The following IGSF11 variants were observed in gnomAD, a reference collection of about 807,000 sequenced individuals.
IGSF11 encodes the protein CXADR like 1.
IGSF11 carries 22 observed loss-of-function variants against 41.0 expected under a neutral mutation model. The ratio of observed to expected loss-of-function variants is 0.54; its 90% CI spans 0.38 to 0.77. The LOEUF (loss-of-function observed/expected upper bound fraction) is 0.77. IGSF11 is among the 30% of genes least tolerant of loss of function. The pLI, the probability that IGSF11 is intolerant of heterozygous loss-of-function variation, is 0.00. For missense variants in IGSF11, 444 were observed against 530.8 expected (o/e 0.84, Z 1.61); for synonymous variants, 219 against 201.3 (o/e 1.09, Z -0.74).
At chr3:119,030,431 TGG>T (rs1940288637) in intron 1 of IGSF11, among the ~76,000 whole-genome samples, 1 of 152,204 alleles carries the variant, frequency 6.6e-6, no homozygotes, top group African/African-American at 2.4e-5. Context: ...TTTCTCTCTG[TGG>T]CTTACTTCAT....
chr3:118,946,191 TACACACACACACGCACACACAC>T, intron 1 of IGSF11, among the ~76,000 whole-genome samples: 1 of 147,162 alleles, frequency 6.8e-6, no homozygotes, highest in Admixed American at 7.1e-5. Flanking sequence ...AACCATTGGC[TACACACACACACGCACACACAC>T]ACACACACAC....
intron 4 of IGSF11, among the ~76,000 whole-genome samples, chr3:118,908,064 T>G (rs1247543383): frequency 6.6e-6 from 1 of 152,124 alleles, no homozygotes; most frequent in Non-Finnish European, 1.5e-5. Flanking sequence ...GTGGTGGTGG[T>G]GGGTTTTCCC....
chr3:119,129,075 C>G (rs2077441789), intron 1 of IGSF11, among the ~76,000 whole-genome samples: 2 of 152,154 alleles, frequency 1.3e-5, no homozygotes. Flanking sequence ...AAACCAAACA[C>G]CGCATATTCT....
At chr3:118,948,398 A>T (rs1343746181) in intron 1 of IGSF11, 1 of 152,188 alleles carries the variant, frequency 6.6e-6, no homozygotes, top group African/African-American at 2.4e-5. Context: ...AAAGAAGTGG[A>T]TACGAAAGCA....
At chr3:119,045,441 T>C (rs1202790286) in intron 1 of IGSF11, among the ~76,000 whole-genome samples, 1 of 152,198 alleles carries the variant, frequency 6.6e-6, no homozygotes, top group East Asian at 1.9e-4. Context: ...TGCGACGGGC[T>C]TAAAAAACGG....
At chr3:119,143,196 A>G (rs138044683) in intron 1 of IGSF11, among the ~76,000 whole-genome samples, 134 of 152,266 alleles carry the variant, frequency 8.8e-4, no homozygotes, top group Non-Finnish European at 1.5e-3. Context: ...AATAGCCAGC[A>G]TTGTATTTTT....
At chr3:118,997,206 T>A (rs1936357475) in intron 1 of IGSF11, among the ~76,000 whole-genome samples, 1 of 152,244 alleles carries the variant, frequency 6.6e-6, no homozygotes. Context: ...AGTAGAAGCC[T>A]GAATCCAAAC....
chr3:119,088,493 A>C, intron 1 of IGSF11, among the ~76,000 whole-genome samples: 1 of 152,190 alleles, frequency 6.6e-6, no homozygotes, highest in East Asian at 1.9e-4. Context: ...TCATATTAAC[A>C]ATCTAACTTT....
chr3:119,110,309 T>C (rs547836938), intron 1 of IGSF11, among the ~76,000 whole-genome samples: 2 of 152,088 alleles, frequency 1.3e-5, no homozygotes, highest in South Asian at 2.1e-4. Flanking sequence ...GATAGTTAGC[T>C]CTTCTTGTTG....
chr3:119,029,084 C>T (rs909837835), intron 1 of IGSF11, among the ~76,000 whole-genome samples: 2 of 151,240 alleles, frequency 1.3e-5, no homozygotes, highest in African/African-American at 2.4e-5. Flanking sequence ...GGTGTACCAC[C>T]TATATTAGTA....
At chr3:118,906,786 T>C (rs1304571523) in intron 4 of IGSF11, among the ~76,000 whole-genome samples, 6 of 152,242 alleles carry the variant, frequency 3.9e-5, no homozygotes, top group Admixed American at 6.5e-5. Context: ...GTTATTAGTA[T>C]GTTCCAGGCA....
At chr3:119,110,147 T>C (rs2077122347), upstream of IGSF11, among the ~76,000 whole-genome samples, 1 of 152,142 alleles carries the variant, frequency 6.6e-6, no homozygotes, top group Non-Finnish European at 1.5e-5. Flanking sequence ...GGTATCCTTG[T>C]CAACTTTCTG....
intron 1 of IGSF11, among the ~76,000 whole-genome samples, chr3:118,940,192 A>C (rs552278273): frequency 1.3e-5 from 2 of 152,310 alleles, no homozygotes; most frequent in South Asian, 4.1e-4. Flanking sequence ...CACTGCAATA[A>C]GGCAAGAATA....
At position 118,902,779 on chromosome 3, in the gene IGSF11, G is replaced by A. The variant is rs756407693; in HGVS notation, c.1037C>T (p.Ser346Phe). The A allele has an allele frequency of 1.9e-6, 3 of 1,614,180 alleles. No homozygotes were observed. The highest frequency in any genetic ancestry group is 2.5e-6 in the Non-Finnish European group (3 of 1,179,996). Residue 346 changes from serine to phenylalanine, a missense_variant, in exon 7 of 7, where the codon TCT becomes TTT. Around this residue, in one of 3 missense-constraint regions of IGSF11, gnomAD observed 223 missense variants for 226.2 expected, o/e 0.99. Coordinates refer to ENST00000393775, the MANE Select transcript of IGSF11 (RefSeq NM_001015887.3). The part of the protein sequence containing the change: ...SHFSDLGQSF[S>F]FHSGNANIPS... ...TATGTTGGCATTGCCTGAGTGGAAA[G>A]AGAAAGATTGGCCCAAGTCACTGAA... is the stretch of plus-strand genomic sequence containing the variant.
intron 1 of IGSF11, among the ~76,000 whole-genome samples, chr3:119,121,191 T>C (rs200433584): frequency 1.2e-4 from 19 of 152,168 alleles, no homozygotes; most frequent in East Asian, 7.7e-4. Flanking sequence ...CACATGTACA[T>C]TGAAAAAAGC....
chr3:118,907,213 T>C (rs1939712996), intron 4 of IGSF11, among the ~76,000 whole-genome samples: 2 of 152,184 alleles, frequency 1.3e-5, no homozygotes, highest in Admixed American at 6.5e-5. Context: ...CATCTCTATC[T>C]AGATCAAAGG....
chr3:118,920,963 G>A (rs766968473), intron 4 of IGSF11, among the ~76,000 whole-genome samples: 1 of 152,104 alleles, frequency 6.6e-6, no homozygotes, highest in African/African-American at 2.4e-5. Flanking sequence ...ATGGGCACAC[G>A]CCTGCCTCAA....
chr3:118,918,192 T>A (rs1263094113), intron 4 of IGSF11, among the ~76,000 whole-genome samples: 3 of 96,160 alleles, frequency 3.1e-5, no homozygotes, highest in Non-Finnish European at 5.5e-5. Flanking sequence ...CTTTGAAAAC[T>A]GGCACAAGAC....
chr3:118,914,307 C>A (rs1332596361), intron 4 of IGSF11, among the ~76,000 whole-genome samples: 1 of 152,040 alleles, frequency 6.6e-6, no homozygotes, highest in African/African-American at 2.4e-5. Flanking sequence ...GTGAGCGACG[C>A]AGAAGACGGG....
Sources: allele counts gnomAD v4.1 joint callset (sites outside exome capture counted in the v4.1 genomes callset), GRCh38; gene constraint gnomAD v4.1.1; regional missense constraint gnomAD v4.1.1; transcripts MANE v1.5; gene names NCBI Gene and HGNC (gene_info 2026-07-23, HGNC 2026-07-21).